ZWILCH: variants seen among roughly 807,000 people sequenced by gnomAD.
The protein encoded by ZWILCH is zwilch kinetochore protein.
Under a neutral mutation model 79.9 loss-of-function variants are expected in ZWILCH, and 74 were observed. The ratio of observed to expected loss-of-function variants is 0.93; its 90% CI spans 0.77 to 1.12. The LOEUF (loss-of-function observed/expected upper bound fraction) is 1.12, where lower values mean the gene tolerates loss of function less well. ZWILCH is among the 50% of genes most tolerant of loss of function. ZWILCH has a pLI of 0.00. For missense variants in ZWILCH, 694 were observed against 687.5 expected, an observed-to-expected ratio of 1.01 and a Z score of -0.11; for synonymous variants, 241 against 228.2, an observed-to-expected ratio of 1.06 and a Z score of -0.51.
chr15:66,505,523 TGG>T, intron 1 of ZWILCH, 132 bp downstream of exon 1: 1 of 1,098,492 alleles, frequency 9.1e-7, no homozygotes, highest in Non-Finnish European at 1.3e-6. Flanking sequence ...GTCCAGGAGT[TGG>T]GGAGAGGCCG....
intron 16 of ZWILCH, among the ~76,000 whole-genome samples, chr15:66,538,051 G>A (rs532036261): frequency 6.6e-6 from 1 of 152,174 alleles, no homozygotes; most frequent in Non-Finnish European, 1.5e-5. Flanking sequence ...AAGGGTTTGG[G>A]ATTAGAGGAA....
intron 8 of ZWILCH, among the ~76,000 whole-genome samples, chr15:66,523,965 C>G (rs1210940142): frequency 2.0e-5 from 3 of 152,040 alleles, no homozygotes; most frequent in African/African-American, 7.3e-5. Flanking sequence ...ATTTCTCTCA[C>G]CCTTTGTGTT....
At chr15:66,528,140 G>A (rs1318259671) in intron 10 of ZWILCH, among the ~76,000 whole-genome samples, 1 of 152,036 alleles carries the variant, frequency 6.6e-6, no homozygotes, top group Non-Finnish European at 1.5e-5. Context: ...GTCTTGCTCT[G>A]TCACCCAGGC....
intron 17 of ZWILCH, among the ~76,000 whole-genome samples, chr15:66,541,508 G>T (rs568252829): frequency 4.6e-5 from 7 of 152,228 alleles, no homozygotes; most frequent in African/African-American, 1.7e-4. Context: ...ACACTTTTGG[G>T]CACTGGTTAA....
intron 16 of ZWILCH, among the ~76,000 whole-genome samples, chr15:66,539,401 C>CAAAAAAAA (rs536047404): frequency 1.7e-5 from 1 of 58,062 alleles, no homozygotes; most frequent in Admixed American, 2.0e-4. Context: ...AAGACCCTGT[C>CAAAAAAAA]AAAAAAAAAA....
Position 66,513,804 on chromosome 15 carries a change from C to T in ZWILCH, c.106-184C>T, listed in dbSNP as rs112731007. The T allele has an allele frequency of 2.3e-3, 770 of 339,486 alleles. 2 individuals carry two copies. The highest frequency in any genetic ancestry group is 5.7e-3 in the South Asian group (171 of 29,926). 21.0% of individuals were successfully genotyped at this position (339,486 alleles called of 1,614,324 possible). On this transcript the variant is annotated intron_variant, in intron 2 of 18. Transcript: ENST00000307897. ...GCCAGGATGGTCTCAATCTCCTGAC[C>T]TCGTGATCCACCTGCCTGGGCCTCC... is the stretch of plus-strand genomic sequence containing the variant.
intron 16 of ZWILCH, among the ~76,000 whole-genome samples, chr15:66,537,818 C>CTGAAACCTTAA (rs1210693502): frequency 1.3e-5 from 2 of 152,194 alleles, no homozygotes; most frequent in Non-Finnish European, 2.9e-5. Context: ...TTCGTCACCT[C>CTGAAACCTTAA]TGAAACCTTA....
chr15:66,508,902 A>G lies in ZWILCH; in HGVS notation c.105+10A>G. 3 of 1,613,044 alleles carry G rather than the reference A, an allele frequency of 1.9e-6. No homozygotes were observed. The highest frequency in any genetic ancestry group is 1.1e-5 in the South Asian group (1 of 90,946). On this transcript the variant is annotated intron_variant, in intron 2 of 18. Coordinates refer to ENST00000307897, the MANE Select transcript of ZWILCH (RefSeq NM_017975.5). ...CCCATTTCTCTATGAGGTATGAACA[A>G]TTTGGTTTTTAAACACAACTCTAAT...
intron 8 of ZWILCH, among the ~76,000 whole-genome samples, chr15:66,525,395 TAGTC>T (rs1894636901): frequency 6.6e-6 from 1 of 152,248 alleles, no homozygotes; most frequent in African/African-American, 2.4e-5. Flanking sequence ...CATGTGGCCA[TAGTC>T]TGTCTGTGTT....
rs776295095 is a variant in ZWILCH, at chr15:66,528,894, C to T, written c.1012C>T (p.Arg338Cys). 15 of 1,613,966 alleles carry T rather than the reference C, an allele frequency of 9.3e-6. No homozygotes were observed. Among genetic ancestry groups the T allele is most frequent in the East Asian group, 8.9e-5 (4 of 44,890 alleles). ...DTAAVDRSVK[R>C]LFKVRSDLDF... ...TGCTGCAGTCGATCGTTCCGTCAAG[C>T]GTCTTTTCAAAGTTCGGAGTGATCT... The change falls in exon 11 of 19, where the codon CGT becomes TGT. Residue 338 changes from arginine (R) to cysteine (C), a missense_variant. Physicochemically the swap from Arg to Cys is radical, Grantham distance 180 (BLOSUM62 -3). Transcript: ENST00000307897.
chr15:66,506,037 G>A (rs1893803713), intron 1 of ZWILCH, among the ~76,000 whole-genome samples: 1 of 152,154 alleles, frequency 6.6e-6, no homozygotes, highest in Non-Finnish European at 1.5e-5. Flanking sequence ...CCCACTTCCA[G>A]GGTTTCTGAT....
At position 66,521,168 on chromosome 15, in the gene ZWILCH, T is replaced by G; in HGVS notation, c.710T>G (p.Ile237Ser). 6.2e-7 allele frequency: 1 copy of G among 1,613,548 alleles called. No individual in the cohort carries two copies. Among genetic ancestry groups the G allele is most frequent in the Non-Finnish European group, 8.5e-7 (1 of 1,180,028 alleles). ...ATTTCCTGGAGTCCTGTGGATGAGA[T>G]TCTTCAAATCCCTCCACTCTCTTCA... ...LDISWSPVDE[I>S]LQIPPLSSTA... The change falls in exon 7 of 19, where the codon ATT (isoleucine) becomes AGT (serine). Residue 237 changes from isoleucine (I) to serine (S), a missense_variant. Coordinates refer to ENST00000307897, the MANE Select transcript of ZWILCH (RefSeq NM_017975.5).
chr15:66,510,284 G>C (rs942595484), intron 2 of ZWILCH, among the ~76,000 whole-genome samples: 1 of 151,494 alleles, frequency 6.6e-6, no homozygotes, highest in Non-Finnish European at 1.5e-5. Context: ...CTACTAGAGA[G>C]GCTGAGGCAG....
In ZWILCH at chr15:66,529,461, T is replaced by C. The variant is rs773998640; in HGVS notation, c.1076-33T>C. The C allele has an allele frequency of 1.7e-5, 26 of 1,509,852 alleles. 1 individual carries two copies. The South Asian group carries it at 2.8e-4, about 16-fold the overall frequency. The allele number at this position is 1,509,852 out of a possible 1,614,324, so 93.5% of individuals were successfully genotyped here. A position where few individuals can be genotyped will look rare whatever the true frequency, so the allele number is the denominator to read the frequency against. On this transcript the variant is annotated intron_variant, in intron 11 of 18. Transcript: ENST00000307897. ...ATATATTTGATCTGTAGAAATACCC[T>C]GAAAATAATGTTACACTGACTTGTT...
At chr15:66,529,321 T>G (rs1894787939) in intron 11 of ZWILCH, among the ~76,000 whole-genome samples, 173 bp from the exon 12 acceptor site, 1 of 151,470 alleles carries the variant, frequency 6.6e-6, no homozygotes, top group African/African-American at 2.4e-5. Context: ...GTTTCTTTCT[T>G]TAGAAATTCA....
intron 4 of ZWILCH, 64 bp downstream of exon 4, chr15:66,515,708 A>T: frequency 8.4e-7 from 1 of 1,190,882 alleles, no homozygotes; most frequent in Middle Eastern, 2.2e-4. Flanking sequence ...ATTCTTATAA[A>T]CGTTGGGAAA....
intron 3 of ZWILCH, chr15:66,514,409 G>T (rs996838007): frequency 6.3e-6 from 1 of 158,660 alleles, no homozygotes; most frequent in East Asian, 1.8e-4. Context: ...AAGTTCAAGC[G>T]ATTCCCCTGC....
In ZWILCH at chr15:66,529,560, A is replaced by T. The variant is rs139478630; in HGVS notation, c.1142A>T (p.Asp381Val). Residue 381 changes from aspartate to valine, a missense_variant, in exon 12 of 19, where the codon GAT becomes GTT. Coordinates refer to ENST00000307897, the MANE Select transcript of ZWILCH (RefSeq NM_017975.5). The stretch of plus-strand genomic sequence containing the variant: ...ATCATCCAGAGTCTACAACGTGGTG[A>T]TATACAGCCATGGGTAGGTTTAGTA... ...TLIIQSLQRG[D>V]IQPWLHSGSN... The T allele has an allele frequency of 6.2e-7, 1 of 1,613,494 alleles. No individual in the cohort carries two copies. Among genetic ancestry groups the T allele is most frequent in the African/African-American group, 1.3e-5 (1 of 75,036 alleles).
chr15:66,544,724 T>TTTTTGTGTGTGTGTGTGTG (rs145952622), intron 17 of ZWILCH, among the ~76,000 whole-genome samples: 2 of 128,490 alleles, frequency 1.6e-5, no homozygotes, highest in African/African-American at 6.2e-5. Context: ...TTTTTGGTTT[T>TTTTTGTGTGTGTGTGTGTG]TGTGTGTGTG....
Sources: allele counts gnomAD v4.1 joint callset (sites outside exome capture counted in the v4.1 genomes callset), GRCh38; gene constraint gnomAD v4.1.1; transcripts MANE v1.5; gene names NCBI Gene and HGNC (gene_info 2026-07-23, HGNC 2026-07-21).